The following NASP variants were observed in gnomAD, a reference collection of about 807,000 sequenced individuals.
NASP encodes NASP histone chaperone.
In NASP, 24 loss-of-function variants were observed where a neutral mutation model predicts 89.5. The ratio of observed to expected loss-of-function variants is 0.27; its 90% CI spans 0.19 to 0.38. The LOEUF (loss-of-function observed/expected upper bound fraction) is 0.38. NASP is among the 10% of genes least tolerant of loss of function. The probability of loss-of-function intolerance (pLI) is 1.00; values close to 1 mark genes in which losing one functional copy is unlikely to be tolerated. For missense variants in NASP, 848 were observed against 921.4 expected (o/e 0.92, Z 1.03); for synonymous variants, 306 against 324.7 (o/e 0.94, Z 0.62).
intron 1 of NASP, among the ~76,000 whole-genome samples, chr1:45,587,661 C>G (rs1172370867): frequency 1.6e-4 from 1 of 6,388 alleles, no homozygotes; most frequent in Non-Finnish European, 3.6e-4. Context: ...TGAGTTTTTT[C>G]ATATATATAT....
intron 4 of NASP, chr1:45,605,880 G>C (rs902633032): frequency 1.3e-5 from 2 of 151,802 alleles, no homozygotes; most frequent in Admixed American, 6.6e-5. Context: ...CGGTTTGAGC[G>C]ATTCTCCTGC....
In NASP at chr1:45,615,406, A is replaced by G. The variant is rs746907022; in HGVS notation, c.1957A>G (p.Ile653Val). The change falls in exon 11 of 15, where the codon ATA (isoleucine) becomes GTA (valine). Residue 653 changes from isoleucine to valine, a missense_variant. Physicochemically the swap from Ile to Val is conservative, Grantham distance 29 (BLOSUM62 3). This residue lies in a region of NASP where 218 missense variants were observed against 219.6 expected (regional missense o/e 0.99). Transcript: ENST00000350030. ...ACTGCTACCCGAAATTAGAGAGAAG[A>G]TAGAAGATGCAAAGGAGTCTCAGCG... is the stretch of plus-strand genomic sequence containing the variant. ...KELLPEIREKIEDAKESQRSG... is the reference protein window; with the variant it reads ...KELLPEIREKVEDAKESQRSG... The G allele has an allele frequency of 6.2e-7, 1 of 1,614,220 alleles. No homozygotes were observed.
At chr1:45,617,222 C>G (rs1644122165) in intron 13 of NASP, 1 of 442,296 alleles carries the variant, frequency 2.3e-6, no homozygotes, top group African/African-American at 2.0e-5. Flanking sequence ...ATTCACATCT[C>G]CTCACCCCAA....
intron 1 of NASP, among the ~76,000 whole-genome samples, chr1:45,590,756 T>C (rs1643527448): frequency 6.7e-6 from 1 of 148,938 alleles, no homozygotes; most frequent in Non-Finnish European, 1.5e-5. Context: ...AAAAAACCTG[T>C]GTGTTATAGA....
intron 2 of NASP, among the ~76,000 whole-genome samples, chr1:45,599,951 G>GTTTTTTTTTTTTTTTTTTTTTTTTTTTT (rs1375366938): frequency 2.0e-5 from 2 of 101,942 alleles, no homozygotes; most frequent in African/African-American, 8.6e-5. Flanking sequence ...CTTTTCCTCT[G>GTTTTTTTTTTTTTTTTTTTTTTTTTTTT]TATTTTTTTT....
At chr1:45,598,579 T>C (rs896804493) in intron 2 of NASP, among the ~76,000 whole-genome samples, 3 of 152,160 alleles carry the variant, frequency 2.0e-5, no homozygotes, top group Non-Finnish European at 2.9e-5. Context: ...TCCAGTGGCT[T>C]TAAGTACCTG....
At chr1:45,590,403 G>C (rs1409190006) in intron 1 of NASP, among the ~76,000 whole-genome samples, 1 of 151,504 alleles carries the variant, frequency 6.6e-6, no homozygotes, top group Non-Finnish European at 1.5e-5. Context: ...AATTAGCCGG[G>C]CATGGTGGCC....
chr1:45,585,046 C>G (rs781700612), intron 1 of NASP, among the ~76,000 whole-genome samples: 13 of 152,162 alleles, frequency 8.5e-5, no homozygotes, highest in African/African-American at 2.7e-4. Context: ...TGTTTGGTTG[C>G]TAGGTGAATC....
At chr1:45,587,687 T>TATATATATATATATATATATATATATATA (rs66829841) in intron 1 of NASP, among the ~76,000 whole-genome samples, 64 of 78,150 alleles carry the variant, frequency 8.2e-4, no homozygotes, top group South Asian at 2.2e-3. Flanking sequence ...TATATATATA[T>TATATATATATATATATATATATATATATA]AATTAATTTT....
Position 45,595,234 on chromosome 1 carries a change from T to C in NASP, c.107+3964T>C, listed in dbSNP as rs77239981. 3.6e-3 allele frequency among the ~76,000 whole-genome samples: 537 copies of C among 150,928 alleles called. 7 individuals are homozygous for C. The highest frequency in any genetic ancestry group is 0.035 in the East Asian group (178 of 5,072). On this transcript the variant is annotated intron_variant, in intron 2 of 14. Coordinates refer to ENST00000350030, the MANE Select transcript of NASP (RefSeq NM_002482.4). ...ATGTTGCTCAGGCAGGTCTTGAACTTCTGCCCTCCCTATGATGCTCCCTCC... is the reference window on the plus strand; with the variant it reads ...ATGTTGCTCAGGCAGGTCTTGAACTCCTGCCCTCCCTATGATGCTCCCTCC...
chr1:45,604,838 A>T, intron 3 of NASP, 98 bp from the exon 4 acceptor site: 2 of 917,230 alleles, frequency 2.2e-6, no homozygotes, highest in Admixed American at 4.3e-5. Context: ...TTCTAGGAGT[A>T]TGTTACTGGA....
Position 45,606,510 on chromosome 1 carries a change from T to G in NASP, c.328T>G (p.Leu110Val), listed in dbSNP as rs768548036. The change falls in exon 5 of 15, where the codon TTG becomes GTG. Residue 110 changes from leucine to valine, a missense_variant. Coordinates refer to ENST00000350030, the MANE Select transcript of NASP (RefSeq NM_002482.4). The part of the protein sequence containing the change: ...RMENGVLGNA[L>V]EGVHVEEEEG... The stretch of plus-strand genomic sequence containing the variant: ...GGAGAATGGTGTGTTGGGAAACGCC[T>G]TGGAAGGTGTGCATGTGGAAGAGGA... The G allele has an allele frequency of 1.9e-6, 3 of 1,613,950 alleles. No homozygotes were observed. The highest frequency in any genetic ancestry group is 2.5e-6 in the Non-Finnish European group (3 of 1,179,858).
chr1:45,599,951 G>GTTTTTTTTTTTTTTTTTTTTT (rs1375366938), intron 2 of NASP, among the ~76,000 whole-genome samples: 7 of 101,942 alleles, frequency 6.9e-5, no homozygotes, highest in African/African-American at 3.0e-4. Flanking sequence ...CTTTTCCTCT[G>GTTTTTTTTTTTTTTTTTTTTT]TATTTTTTTT....
At chr1:45,600,256 TTAAAG>T (rs1397478078) in intron 2 of NASP, 3 of 439,354 alleles carry the variant, frequency 6.8e-6, no homozygotes, top group Non-Finnish European at 9.7e-6. Context: ...GCACATAACT[TTAAAG>T]TAACAATTAT....
At chr1:45,601,290 C>T (rs528075934) in intron 2 of NASP, among the ~76,000 whole-genome samples, 2 of 152,194 alleles carry the variant, frequency 1.3e-5, no homozygotes, top group Non-Finnish European at 2.9e-5. Flanking sequence ...CTTGTAGAAA[C>T]TTTATGGTTT....
At chr1:45,603,576 G>T (rs1643877018) in intron 3 of NASP, among the ~76,000 whole-genome samples, 1 of 149,724 alleles carries the variant, frequency 6.7e-6, no homozygotes, top group South Asian at 2.1e-4. Context: ...GGCTCTGAGA[G>T]ACTAAATTTT....
In NASP at chr1:45,593,710, T is replaced by C. The variant is rs77647765; in HGVS notation, c.107+2440T>C. Among the ~76,000 whole-genome samples, 460 of 151,522 alleles carry C rather than the reference T, an allele frequency of 3.0e-3. 4 individuals carry two copies. Among genetic ancestry groups the C allele is most frequent in the East Asian group, 0.022 (114 of 5,146 alleles). On this transcript the variant is annotated intron_variant, in intron 2 of 14. Transcript: ENST00000350030. ...GGGAAAAGGGTTAAAATAAGTCTTA[T>C]GAAATACTGCTTGGCTGGGTGTGGT...
intron 2 of NASP, among the ~76,000 whole-genome samples, chr1:45,594,172 T>TA (rs1404360794): frequency 6.6e-6 from 1 of 150,760 alleles, no homozygotes; most frequent in African/African-American, 2.4e-5. Context: ...CTAAAAAAGA[T>TA]ACAAAAATTA....
At chr1:45,587,441 C>T (rs372711864) in intron 1 of NASP, among the ~76,000 whole-genome samples, 12 of 151,646 alleles carry the variant, frequency 7.9e-5, no homozygotes, top group African/African-American at 1.2e-4. Context: ...CCACCGTGCC[C>T]GGCTGCAGTT....
Sources: allele counts gnomAD v4.1 joint callset (sites outside exome capture counted in the v4.1 genomes callset), GRCh38; gene constraint gnomAD v4.1.1; regional missense constraint gnomAD v4.1.1; transcripts MANE v1.5; gene names NCBI Gene and HGNC (gene_info 2026-07-23, HGNC 2026-07-21).